Variants in NTM observed in about 807,000 individuals in gnomAD.
NTM encodes IgLON family member 2.
In NTM, 13 loss-of-function variants were observed where a neutral mutation model predicts 42.1. The observed-to-expected ratio is 0.31, with a 90% CI of 0.20 to 0.49. The LOEUF (loss-of-function observed/expected upper bound fraction) is 0.49. Ranked by LOEUF, NTM falls within the 20% of genes least tolerant of loss-of-function variation. The pLI, the probability that NTM is intolerant of heterozygous loss-of-function variation, is 0.99. For missense variants in NTM, 373 were observed against 452.8 expected (o/e 0.82, Z 1.60); for synonymous variants, 187 against 179.2 (o/e 1.04, Z -0.35).
chr11:131,768,715 C>G (rs993020561), intron 1 of NTM, among the ~76,000 whole-genome samples: 1 of 152,172 alleles, frequency 6.6e-6, no homozygotes, highest in African/African-American at 2.4e-5. Flanking sequence ...GCAACATGAA[C>G]TAGGTGTCAC....
intron 1 of NTM, among the ~76,000 whole-genome samples, chr11:131,889,101 C>T (rs2050850421): frequency 6.6e-6 from 1 of 152,112 alleles, no homozygotes; most frequent in South Asian, 2.1e-4. Context: ...TTTCCATCTC[C>T]TGCACCAGTG....
At chr11:132,194,814 CTTTTTTTT>C (rs902871492) in intron 3 of NTM, among the ~76,000 whole-genome samples, 11 of 110,650 alleles carry the variant, frequency 9.9e-5, no homozygotes, top group African/African-American at 3.7e-4. Flanking sequence ...GCATTTCTTC[CTTTTTTTT>C]TTTTTTTTTT....
intron 4 of NTM, among the ~76,000 whole-genome samples, chr11:132,299,913 C>CAT (rs1008725707): frequency 1.6e-4 from 24 of 151,576 alleles, no homozygotes; most frequent in African/African-American, 4.4e-4. Flanking sequence ...ACGTATATTA[C>CAT]ATATATATAT....
chr11:132,265,979 G>A (rs961384230), intron 4 of NTM, among the ~76,000 whole-genome samples: 1 of 152,136 alleles, frequency 6.6e-6, no homozygotes, highest in Non-Finnish European at 1.5e-5. Context: ...CCAAAATCAT[G>A]TCTGCTACTT....
At chr11:131,781,285 A>C (rs1378219082) in intron 1 of NTM, among the ~76,000 whole-genome samples, 1 of 152,136 alleles carries the variant, frequency 6.6e-6, no homozygotes, top group Non-Finnish European at 1.5e-5. Flanking sequence ...AAGTAAAAAA[A>C]AATTAATGTA....
chr11:132,175,814 G>A (rs1468419463), intron 3 of NTM, among the ~76,000 whole-genome samples: 1 of 152,094 alleles, frequency 6.6e-6, no homozygotes, highest in African/African-American at 2.4e-5. Context: ...GCCACCCTTA[G>A]AAGTTCCCTA....
chr11:131,675,619 C>T (rs1343221567), intron 1 of NTM, among the ~76,000 whole-genome samples: 1 of 152,152 alleles, frequency 6.6e-6, no homozygotes, highest in Non-Finnish European at 1.5e-5. Context: ...GTTCTCGCAG[C>T]TGCTATATCC....
At chr11:131,407,248 G>A (rs1050129294) in intron 1 of NTM, among the ~76,000 whole-genome samples, 2 of 152,200 alleles carry the variant, frequency 1.3e-5, no homozygotes, top group African/African-American at 4.8e-5. Flanking sequence ...GTGACTCAAT[G>A]TGCCTGTCAT....
At chr11:131,678,162 A>C (rs2071762178) in intron 1 of NTM, among the ~76,000 whole-genome samples, 1 of 152,202 alleles carries the variant, frequency 6.6e-6, no homozygotes, top group African/African-American at 2.4e-5. Flanking sequence ...TGGGGCCCAG[A>C]CTGGACCGGG....
chr11:132,068,719 G>A (rs2056895434), intron 2 of NTM, among the ~76,000 whole-genome samples: 1 of 152,196 alleles, frequency 6.6e-6, no homozygotes. Flanking sequence ...TGCATTGCAG[G>A]GAGTTGGCTC....
chr11:131,691,554 G>A (rs1409466502), intron 1 of NTM, among the ~76,000 whole-genome samples: 1 of 138,482 alleles, frequency 7.2e-6, no homozygotes, highest in East Asian at 2.1e-4. Flanking sequence ...TGTCTTCCCT[G>A]AAAGCCCCCC....
intron 1 of NTM, among the ~76,000 whole-genome samples, chr11:131,859,124 G>A (rs1019609216): frequency 6.6e-6 from 1 of 152,244 alleles, no homozygotes; most frequent in East Asian, 1.9e-4. Context: ...CCGTCTGTCC[G>A]TCTGTCCGTC....
chr11:131,379,391 C>G (rs769819682), intron 1 of NTM, among the ~76,000 whole-genome samples: 1 of 152,130 alleles, frequency 6.6e-6, no homozygotes, highest in Non-Finnish European at 1.5e-5. Flanking sequence ...CTTATAGAAT[C>G]CAGCCACATG....
intron 1 of NTM, among the ~76,000 whole-genome samples, chr11:131,558,037 G>A (rs950524894): frequency 2.0e-5 from 3 of 152,122 alleles, no homozygotes; most frequent in South Asian, 2.1e-4. Flanking sequence ...ACTGACATAC[G>A]AAACCAGGAA....
intron 4 of NTM, among the ~76,000 whole-genome samples, chr11:132,214,690 T>A (rs1021102859): frequency 2.0e-5 from 3 of 152,066 alleles, no homozygotes; most frequent in Non-Finnish European, 4.4e-5. Flanking sequence ...TGTGTTAGAG[T>A]CTTTTGTTTC....
intron 1 of NTM, among the ~76,000 whole-genome samples, chr11:131,510,669 C>T (rs773089066): frequency 6.6e-5 from 10 of 152,178 alleles, no homozygotes; most frequent in South Asian, 2.1e-4. Context: ...GACCACTAGA[C>T]GTTTATAAAA....
In NTM at chr11:131,973,047, G is replaced by A. The variant is rs184593052; in HGVS notation, c.167+61399G>A. On this transcript the variant is annotated intron_variant, in intron 2 of 8. Coordinates refer to ENST00000683400, the MANE Select transcript of NTM (RefSeq NM_001352005.2). ...GTTTACTTAAGTAAAGAAAAGATTC[G>A]TTCTTTAGGATCTGTGAAGAACTCT... 9.2e-5 allele frequency among the ~76,000 whole-genome samples: 14 copies of A among 152,274 alleles called. No individual in the cohort carries two copies. The East Asian group carries it at 1.2e-3, about 13-fold the overall frequency.
At chr11:131,435,472 G>C (rs1284663826) in intron 1 of NTM, among the ~76,000 whole-genome samples, 3 of 152,172 alleles carry the variant, frequency 2.0e-5, no homozygotes, top group African/African-American at 7.2e-5. Flanking sequence ...TCATTGAGCA[G>C]TGATTTGTAG....
At chr11:131,804,055 C>T (rs773514404) in intron 1 of NTM, among the ~76,000 whole-genome samples, 1 of 152,170 alleles carries the variant, frequency 6.6e-6, no homozygotes, top group African/African-American at 2.4e-5. Flanking sequence ...ATCTGTCTCT[C>T]AGGCCTGCTG....
Sources: allele counts gnomAD v4.1 joint callset (sites outside exome capture counted in the v4.1 genomes callset), GRCh38; gene constraint gnomAD v4.1.1; transcripts MANE v1.5; gene names NCBI Gene and HGNC (gene_info 2026-07-23, HGNC 2026-07-21).